The following PLXNA4 variants were observed in gnomAD, a reference collection of about 807,000 sequenced individuals.
PLXNA4 encodes plexin A4, also known as plexin-A4.
Under a neutral mutation model 191.8 loss-of-function variants are expected in PLXNA4, and 44 were observed. That is an observed-to-expected ratio of 0.23 (90% CI 0.18 to 0.29). PLXNA4 has a LOEUF of 0.29. Among genes scored for constraint, PLXNA4 ranks in the 10% least tolerant of loss-of-function variants. The pLI is 1.00. For missense variants in PLXNA4, 1,800 were observed against 2,488.8 expected, an observed-to-expected ratio of 0.72 and a Z score of 5.89; for synonymous variants, 1,082 against 1,009.5, an observed-to-expected ratio of 1.07 and a Z score of -1.36.
chr7:132,228,597 T>A, intron 5 of PLXNA4, 128 bp from the exon 6 acceptor site: 1 of 1,210,950 alleles, frequency 8.3e-7, no homozygotes, highest in Non-Finnish European at 1.1e-6. Context: ...AGAGCTAACC[T>A]TTTTGTGTCC....
intron 1 of PLXNA4, among the ~76,000 whole-genome samples, chr7:132,544,887 G>T (rs1006445317): frequency 1.3e-5 from 2 of 152,172 alleles, no homozygotes; most frequent in Non-Finnish European, 2.9e-5. Flanking sequence ...ACTTGGGAAA[G>T]GGCTATATAA....
chr7:132,228,332 C>T lies in PLXNA4; in HGVS notation c.1728+14G>A, dbSNP rs564619299. ...TGCATCCCTGGACCCCACCCCAACC[C>T]CCACGACCCTTACCAGCACGTTGTA... On this transcript the variant is annotated intron_variant, in intron 6 of 31. Coordinates refer to ENST00000321063, the MANE Select transcript of PLXNA4 (RefSeq NM_020911.2). The T allele has an allele frequency of 6.4e-5, 103 of 1,613,966 alleles. 1 individual carries two copies. The South Asian group carries it at 1.0e-3, about 16-fold the overall frequency.
intron 5 of PLXNA4, among the ~76,000 whole-genome samples, chr7:132,238,194 A>C (rs879635573): frequency 1.3e-5 from 2 of 152,158 alleles, no homozygotes; most frequent in Non-Finnish European, 2.9e-5. Context: ...AAGCTTAATG[A>C]ATCTATTATA....
Position 132,129,849 on chromosome 7 carries a change from GAGA to G in PLXNA4, c.*627_*629del, listed in dbSNP as rs1188076596. The G allele has an allele frequency of 2.0e-5, 3 of 153,220 alleles. No individual in the cohort carries two copies. The East Asian group carries it at 5.8e-4, about 30-fold the overall frequency. 9.5% of individuals were successfully genotyped at this position (153,220 alleles called of 1,614,324 possible). ...GCCTCTGGACACCAGCCCAGTGGGGGAGAAGGAGCCTCAAGGAGCACCTCCCAG... is the reference window on the plus strand; with the variant it reads ...GCCTCTGGACACCAGCCCAGTGGGGGAGGAGCCTCAAGGAGCACCTCCCAG... On this transcript the variant is annotated 3_prime_UTR_variant, in exon 32 of 32. Transcript: ENST00000321063.
At chr7:132,588,714 A>G (rs1421794435) in intron 2 of PLXNA4, among the ~76,000 whole-genome samples, 5 of 149,008 alleles carry the variant, frequency 3.4e-5, no homozygotes, top group Admixed American at 3.4e-4. Flanking sequence ...GGAGAGGAAG[A>G]AAAAAGGAAA....
chr7:132,324,152 G>T, intron 3 of PLXNA4, among the ~76,000 whole-genome samples: 1 of 152,142 alleles, frequency 6.6e-6, no homozygotes, highest in East Asian at 1.9e-4. Context: ...CGGATGCCAA[G>T]ATCCTTCCAA....
At chr7:132,187,329 C>G in intron 15 of PLXNA4, 142 bp downstream of exon 15, 2 of 1,354,256 alleles carry the variant, frequency 1.5e-6, no homozygotes, top group African/African-American at 1.5e-5. Context: ...GAAATTGGCT[C>G]TATCTGTGCA....
chr7:132,154,885 T>A (rs1795748498), intron 25 of PLXNA4, among the ~76,000 whole-genome samples: 1 of 152,170 alleles, frequency 6.6e-6, no homozygotes. Flanking sequence ...ATCCAATTTG[T>A]TACATTTCCA....
intron 2 of PLXNA4, among the ~76,000 whole-genome samples, chr7:132,495,874 T>A (rs1404918418): frequency 6.6e-6 from 1 of 152,256 alleles, no homozygotes; most frequent in African/African-American, 2.4e-5. Flanking sequence ...AGGCACTAGA[T>A]GAAGACAAGG....
At chr7:132,583,615 G>C (rs1288522502) in intron 2 of PLXNA4, among the ~76,000 whole-genome samples, 1 of 152,230 alleles carries the variant, frequency 6.6e-6, no homozygotes, top group Admixed American at 6.5e-5. Flanking sequence ...AAGAGCCGCA[G>C]ACAGTTGCCT....
intron 22 of PLXNA4, among the ~76,000 whole-genome samples, chr7:132,167,079 T>C (rs891301543): frequency 3.3e-5 from 5 of 152,154 alleles, no homozygotes; most frequent in Admixed American, 3.3e-4. Flanking sequence ...ATGAGTGGTC[T>C]AGGCAGAGGG....
At position 132,129,196 on chromosome 7, in the gene PLXNA4, G is replaced by C. The variant is rs1251727742; in HGVS notation, c.*1283C>G. ...GGAGGCTGAGGTTGGCTGGCATTTT[G>C]GGCTGTCTCCGTGAGGCTTTGCTTA... is the stretch of plus-strand genomic sequence containing the variant. On this transcript the variant is annotated 3_prime_UTR_variant, in exon 32 of 32. Coordinates refer to ENST00000321063, the MANE Select transcript of PLXNA4 (RefSeq NM_020911.2). The C allele has an allele frequency of 6.6e-6, 1 of 152,212 alleles. No homozygotes were observed. The highest frequency in any genetic ancestry group is 1.5e-5 in the Non-Finnish European group (1 of 68,062). The allele number at this position is 152,212 out of a possible 1,614,324, so 9.4% of individuals were successfully genotyped here.
intron 3 of PLXNA4, among the ~76,000 whole-genome samples, chr7:132,473,852 C>G (rs1173186516): frequency 9.9e-6 from 1 of 100,930 alleles, no homozygotes; most frequent in Non-Finnish European, 2.7e-5. Flanking sequence ...CCGTCTCAAA[C>G]AAGAAAAAAA....
At chr7:132,564,237 CCT>C (rs1484470907) in intron 1 of PLXNA4, among the ~76,000 whole-genome samples, 1 of 136,508 alleles carries the variant, frequency 7.3e-6, no homozygotes, top group Non-Finnish European at 1.6e-5. Flanking sequence ...TCCTCCTCTT[CCT>C]CCTCCTCCTT....
chr7:132,154,121 C>T (rs893994307), intron 25 of PLXNA4, among the ~76,000 whole-genome samples: 1 of 152,160 alleles, frequency 6.6e-6, no homozygotes, highest in African/African-American at 2.4e-5. Context: ...CAGGTTCTCA[C>T]TAGGAGCACA....
At chr7:132,505,353 G>T (rs1315154898) in intron 2 of PLXNA4, among the ~76,000 whole-genome samples, 1 of 152,196 alleles carries the variant, frequency 6.6e-6, no homozygotes, top group Non-Finnish European at 1.5e-5. Context: ...TTGCCCATGG[G>T]CAGCCAGACG....
At chr7:132,577,238 CG>C (rs1802285538), upstream of PLXNA4, 1 of 151,036 alleles carries the variant, frequency 6.6e-6, no homozygotes. Flanking sequence ...GGGCAGGGAG[CG>C]GGGCCGCCGC....
intron 4 of PLXNA4, among the ~76,000 whole-genome samples, chr7:132,284,543 G>A (rs749699025): frequency 1.8e-4 from 28 of 152,266 alleles, no homozygotes; most frequent in Non-Finnish European, 3.2e-4. Flanking sequence ...AGTGGCCCTA[G>A]CCAAAGGCCA....
chr7:132,510,049 C>T (rs1798646552), intron 1 of PLXNA4, among the ~76,000 whole-genome samples: 1 of 152,170 alleles, frequency 6.6e-6, no homozygotes, highest in Admixed American at 6.5e-5. Flanking sequence ...AAGATCACTC[C>T]CCATCCTGAG....
Sources: allele counts gnomAD v4.1 joint callset (sites outside exome capture counted in the v4.1 genomes callset), GRCh38; gene constraint gnomAD v4.1.1; transcripts MANE v1.5; gene names NCBI Gene and HGNC (gene_info 2026-07-23, HGNC 2026-07-21).